MARCHF4: variants seen among roughly 807,000 people sequenced by gnomAD.
The protein encoded by MARCHF4 is E3 ubiquitin-protein ligase MARCHF4.
A neutral mutation model predicts 43.9 loss-of-function variants in MARCHF4; 14 were observed. That is an observed-to-expected ratio of 0.32 (90% confidence interval 0.21 to 0.50). The LOEUF (loss-of-function observed/expected upper bound fraction) is 0.50. MARCHF4 is among the 20% of genes least tolerant of loss of function. MARCHF4 has a pLI of 0.98. For missense variants in MARCHF4, 468 were observed against 536.7 expected, an observed-to-expected ratio of 0.87 and a Z score of 1.27; for synonymous variants, 226 against 213.3, an observed-to-expected ratio of 1.06 and a Z score of -0.52.
At chr2:216,344,897 G>A (rs763792632) in intron 1 of MARCHF4, among the ~76,000 whole-genome samples, 6 of 151,786 alleles carry the variant, frequency 4.0e-5, no homozygotes, top group African/African-American at 7.3e-5. Flanking sequence ...GAAGGAGGCC[G>A]GGTGCTTCTT....
intron 1 of MARCHF4, among the ~76,000 whole-genome samples, chr2:216,323,801 C>T (rs1209884109): frequency 1.3e-5 from 2 of 152,100 alleles, no homozygotes; most frequent in East Asian, 1.9e-4. Context: ...AACTCTGGGA[C>T]GCATTCAAAG....
At chr2:216,308,073 G>C (rs768958399) in intron 1 of MARCHF4, among the ~76,000 whole-genome samples, 31 of 151,604 alleles carry the variant, frequency 2.0e-4, no homozygotes, top group Non-Finnish European at 1.3e-4. Flanking sequence ...CAAAAACAAA[G>C]AAAACCCTCA....
chr2:216,262,813 T>A (rs1690762936), intron 3 of MARCHF4, among the ~76,000 whole-genome samples: 1 of 152,208 alleles, frequency 6.6e-6, no homozygotes, highest in Non-Finnish European at 1.5e-5. Flanking sequence ...TCATAGCTAC[T>A]ATGTCTTTTA....
intron 2 of MARCHF4, among the ~76,000 whole-genome samples, chr2:216,279,289 G>C (rs1237721329): frequency 6.6e-6 from 1 of 152,238 alleles, no homozygotes; most frequent in Non-Finnish European, 1.5e-5. Context: ...CCTGGGAGAA[G>C]ATACAAGTGG....
chr2:216,331,998 A>G (rs1574480014), intron 1 of MARCHF4, among the ~76,000 whole-genome samples: 1 of 152,248 alleles, frequency 6.6e-6, no homozygotes, highest in East Asian at 1.9e-4. Context: ...CAAATATGTA[A>G]CTTGTTATAA....
chr2:216,270,526 C>T (rs1210413829), intron 3 of MARCHF4, among the ~76,000 whole-genome samples: 2 of 152,026 alleles, frequency 1.3e-5, no homozygotes, highest in East Asian at 1.9e-4. Context: ...CTCTTTCTAC[C>T]CTGACAAAAA....
At chr2:216,288,170 G>GC (rs1266572818) in intron 1 of MARCHF4, among the ~76,000 whole-genome samples, 1 of 152,180 alleles carries the variant, frequency 6.6e-6, no homozygotes, top group Non-Finnish European at 1.5e-5. Flanking sequence ...TCACCACGTA[G>GC]CCCAGGCTGA....
chr2:216,352,543 G>A (rs1468125149), intron 1 of MARCHF4, among the ~76,000 whole-genome samples: 1 of 151,900 alleles, frequency 6.6e-6, no homozygotes, highest in African/African-American at 2.4e-5. Context: ...TTTTAATAGA[G>A]ACAGGGTCCC....
intron 1 of MARCHF4, among the ~76,000 whole-genome samples, chr2:216,292,179 G>A (rs1469815843): frequency 1.3e-5 from 2 of 152,228 alleles, no homozygotes; most frequent in East Asian, 3.8e-4. Flanking sequence ...GGGACAACAT[G>A]GGGTTTTACT....
rs1414814152 is a variant in MARCHF4 at position 216,347,605 on chromosome 2, G to A, written c.516+22140C>T. Among the ~76,000 whole-genome samples, 3 of 152,146 alleles carry A rather than the reference G, an allele frequency of 2.0e-5. No homozygotes were observed. In the South Asian group the frequency reaches 6.2e-4, roughly 32 times the overall value. On this transcript the variant is annotated intron_variant, in intron 1 of 3. Transcript: ENST00000273067. ...TAGCCGGGCGTGGTGGTGGGCGCCT[G>A]TAATCCCAGTTACTCAGGAGGCTGA...
chr2:216,264,468 C>T (rs1690812289), intron 3 of MARCHF4, among the ~76,000 whole-genome samples: 1 of 152,192 alleles, frequency 6.6e-6, no homozygotes, highest in Non-Finnish European at 1.5e-5. Flanking sequence ...CCTATGCACC[C>T]TTGGCACTGA....
chr2:216,328,230 C>T (rs1168678100), intron 1 of MARCHF4, among the ~76,000 whole-genome samples: 3 of 152,110 alleles, frequency 2.0e-5, no homozygotes, highest in Non-Finnish European at 4.4e-5. Context: ...AGTGCAATGG[C>T]GCGATCTTGG....
intron 1 of MARCHF4, among the ~76,000 whole-genome samples, chr2:216,336,768 G>T (rs1253990475): frequency 1.9e-5 from 1 of 51,688 alleles, no homozygotes; most frequent in East Asian, 1.4e-3. Flanking sequence ...AAAAAAAAAA[G>T]CTTTCTGGAA....
chr2:216,310,186 C>T (rs963774972), intron 1 of MARCHF4, among the ~76,000 whole-genome samples: 3 of 152,236 alleles, frequency 2.0e-5, no homozygotes, highest in African/African-American at 7.2e-5. Flanking sequence ...CTAGCCTTGA[C>T]TCCAGTGATG....
At chr2:216,318,306 G>A (rs568841022) in intron 1 of MARCHF4, among the ~76,000 whole-genome samples, 16 of 152,292 alleles carry the variant, frequency 1.1e-4, no homozygotes, top group South Asian at 2.1e-4. Context: ...GCAAACGAAC[G>A]CCCCTCCCAG....
chr2:216,317,832 G>GACTATCAGA (rs1208641015), intron 1 of MARCHF4, among the ~76,000 whole-genome samples: 1 of 152,178 alleles, frequency 6.6e-6, no homozygotes, highest in Non-Finnish European at 1.5e-5. Context: ...AGTAAACAGT[G>GACTATCAGA]GACACATTGA....
intron 1 of MARCHF4, among the ~76,000 whole-genome samples, chr2:216,288,933 CAGG>C (rs1269528093): frequency 3.3e-5 from 5 of 151,764 alleles, no homozygotes; most frequent in African/African-American, 1.2e-4. Flanking sequence ...CCCTCTCCAT[CAGG>C]AGAACAAAGG....
At chr2:216,349,889 T>C (rs1044007487) in intron 1 of MARCHF4, among the ~76,000 whole-genome samples, 1 of 152,112 alleles carries the variant, frequency 6.6e-6, no homozygotes, top group Non-Finnish European at 1.5e-5. Flanking sequence ...ATCTTTATTA[T>C]GTAGGGTCAC....
intron 1 of MARCHF4, among the ~76,000 whole-genome samples, chr2:216,332,639 G>A (rs376865136): frequency 1.3e-5 from 2 of 152,018 alleles, no homozygotes; most frequent in South Asian, 4.2e-4. Context: ...TAAAAGATGT[G>A]CAAGACCTTT....
Sources: allele counts gnomAD v4.1 joint callset (sites outside exome capture counted in the v4.1 genomes callset), GRCh38; gene constraint gnomAD v4.1.1; transcripts MANE v1.5; gene names NCBI Gene and HGNC (gene_info 2026-07-23, HGNC 2026-07-21).